PALD1: variants seen among roughly 807,000 people sequenced by gnomAD.
PALD1 encodes the protein phosphatase domain containing paladin 1, also known as paladin.
In PALD1, 57 loss-of-function variants were observed where a neutral mutation model predicts 96.0. That is an observed-to-expected ratio of 0.59 (90% CI 0.48 to 0.74). PALD1 has a LOEUF of 0.74. Ranked by LOEUF, PALD1 falls within the 30% of genes least tolerant of loss-of-function variation. The probability of loss-of-function intolerance (pLI) is 0.00; values close to 1 mark genes in which losing one functional copy is unlikely to be tolerated. For synonymous variants in PALD1, 464 were observed against 473.6 expected (o/e 0.98, Z 0.26); for missense variants, 1,063 against 1,143.7 (o/e 0.93, Z 1.02).
In PALD1 at chr10:70,555,824, A is replaced by T. The variant is rs1235218916; in HGVS notation, c.2262+8378A>T. Among the ~76,000 whole-genome samples the T allele has an allele frequency of 2.0e-5, 3 of 152,092 alleles. No individual in the cohort carries two copies. The East Asian group carries it at 5.8e-4, about 29-fold the overall frequency. ...AGACCATCCTTGCTAACACGGTGAA[A>T]CCGCTTCTATACTAAAAATATAAAA... On this transcript the variant is annotated intron_variant, in intron 18 of 19. Coordinates refer to ENST00000263563, the MANE Select transcript of PALD1 (RefSeq NM_014431.3).
chr10:70,555,617 G>A lies in PALD1; in HGVS notation c.2262+8171G>A, dbSNP rs1007227016. Among the ~76,000 whole-genome samples, 8 of 152,294 alleles carry A rather than the reference G, an allele frequency of 5.3e-5. No homozygotes were observed. The East Asian group carries it at 7.7e-4, about 15-fold the overall frequency. On this transcript the variant is annotated intron_variant, in intron 18 of 19. Transcript: ENST00000263563. Reference sequence around the variant, plus strand: ...CCAGGAGGTCAGAGAGACCAGCTCCGTGCCCCAAGGGCTGAGGTCATTTCT... The same window carrying A: ...CCAGGAGGTCAGAGAGACCAGCTCCATGCCCCAAGGGCTGAGGTCATTTCT...
Position 70,509,937 on chromosome 10 carries a change from C to T in PALD1, c.-29-15986C>T, listed in dbSNP as rs185575814. Among the ~76,000 whole-genome samples, 42 of 152,310 alleles carry T rather than the reference C, an allele frequency of 2.8e-4. No individual in the cohort carries two copies. In the East Asian group the frequency reaches 7.3e-3, roughly 27 times the overall value. On this transcript the variant is annotated intron_variant, in intron 1 of 19. Coordinates refer to ENST00000263563, the MANE Select transcript of PALD1 (RefSeq NM_014431.3). ...AGCCGCTGAAATGTCTGAAAACCAC[C>T]CATCTATCTCGTCCAGATGGAAATA...
intron 4 of PALD1, 109 bp downstream of exon 4, chr10:70,530,177 G>T: frequency 1.1e-6 from 1 of 931,106 alleles, no homozygotes. Context: ...ATGCTGGAGA[G>T]GTGGGGTAGT....
chr10:70,541,150 C>G lies in PALD1; in HGVS notation c.1957C>G (p.Pro653Ala). 6.2e-7 allele frequency: 1 copy of G among 1,613,584 alleles called. No homozygotes were observed. The highest frequency in any genetic ancestry group is 1.1e-5 in the South Asian group (1 of 91,026). Reference protein sequence around the residue: ...EALRAALSKDPGTGFVFSCLS... With the variant: ...EALRAALSKDAGTGFVFSCLS... The stretch of plus-strand genomic sequence containing the variant: ...CCTGCGGGCCGCCCTCTCCAAGGAC[C>G]CAGGCACTGGCTTCGTGTTCAGCTG... Residue 653 changes from proline (P) to alanine (A), a missense_variant, in exon 16 of 20, where the codon CCA becomes GCA. Transcript: ENST00000263563.
intron 18 of PALD1, among the ~76,000 whole-genome samples, chr10:70,561,223 G>C (rs1445027492): frequency 6.6e-6 from 1 of 152,232 alleles, no homozygotes. Flanking sequence ...GGAGAGGATC[G>C]TGCTGGTGCG....
At chr10:70,534,320 C>T (rs1589202330) in intron 8 of PALD1, 105 bp from the exon 9 acceptor site, 1 of 820,596 alleles carries the variant, frequency 1.2e-6, no homozygotes, top group East Asian at 2.7e-5. Flanking sequence ...CAGAAGGAAC[C>T]TGTAGTCTGG....
chr10:70,511,010 G>C (rs978755873), intron 1 of PALD1, among the ~76,000 whole-genome samples: 10 of 152,122 alleles, frequency 6.6e-5, no homozygotes, highest in African/African-American at 2.4e-4. Context: ...CCAGGATCCT[G>C]GAGTCACTCC....
At chr10:70,501,813 C>CTGTG (rs71012209) in intron 1 of PALD1, among the ~76,000 whole-genome samples, 14,571 of 139,224 alleles carry the variant, frequency 0.1, 865 homozygotes, top group South Asian at 0.19. Context: ...CATTTTTACT[C>CTGTG]TGTGTGTGTG....
At chr10:70,493,437 T>G (rs1846132143) in intron 1 of PALD1, among the ~76,000 whole-genome samples, 1 of 152,220 alleles carries the variant, frequency 6.6e-6, no homozygotes, top group Admixed American at 6.5e-5. Context: ...CACATTGACT[T>G]CCTTTCCAGA....
chr10:70,507,750 C>CGTGTGTGTGTGTGT (rs10579511), intron 1 of PALD1, among the ~76,000 whole-genome samples: 27 of 148,752 alleles, frequency 1.8e-4, no homozygotes, highest in African/African-American at 4.7e-4. Flanking sequence ...TTTGTGTGTG[C>CGTGTGTGTGTGTGT]GTGTGTGTGT....
intron 1 of PALD1, among the ~76,000 whole-genome samples, chr10:70,493,773 T>C (rs763367907): frequency 1.3e-5 from 2 of 152,206 alleles, no homozygotes; most frequent in Non-Finnish European, 2.9e-5. Flanking sequence ...CGGCGAGCCA[T>C]GTCCTCACCT....
At chr10:70,464,955 ATGT>A in the PALD1 span, among the ~76,000 whole-genome samples, 6 of 138,470 alleles carry the variant, frequency 4.3e-5, no homozygotes, top group Admixed American at 7.1e-5. Flanking sequence ...GTATGTATGT[ATGT>A]ATGTATGTAT....
chr10:70,542,586 A>G (rs1379733146), intron 17 of PALD1, among the ~76,000 whole-genome samples: 1 of 152,232 alleles, frequency 6.6e-6, no homozygotes, highest in Admixed American at 6.5e-5. Flanking sequence ...AGGTTTACCC[A>G]CATTGTAATA....
the PALD1 span, among the ~76,000 whole-genome samples, chr10:70,464,760 G>C: frequency 6.7e-6 from 1 of 150,050 alleles, no homozygotes; most frequent in Admixed American, 6.7e-5. Context: ...CGAGCAGCTG[G>C]TATTACAGGC....
At chr10:70,511,984 G>A (rs1490543352) in intron 1 of PALD1, among the ~76,000 whole-genome samples, 3 of 151,952 alleles carry the variant, frequency 2.0e-5, no homozygotes, top group African/African-American at 7.3e-5. Flanking sequence ...CTGAGATCGC[G>A]CCATTGCACT....
At chr10:70,478,621 G>A (rs1220429707), upstream of PALD1, among the ~76,000 whole-genome samples, 2 of 152,192 alleles carry the variant, frequency 1.3e-5, no homozygotes, top group Non-Finnish European at 2.9e-5. Context: ...GGGGAACGTG[G>A]CGCCCGCGTT....
intron 1 of PALD1, among the ~76,000 whole-genome samples, chr10:70,491,066 C>T (rs1436022050): frequency 6.6e-6 from 1 of 152,160 alleles, no homozygotes; most frequent in African/African-American, 2.4e-5. Flanking sequence ...CTGCCTCAGC[C>T]TCCTGAGTAG....
chr10:70,516,681 G>C (rs943747222), intron 1 of PALD1, among the ~76,000 whole-genome samples: 4 of 151,578 alleles, frequency 2.6e-5, no homozygotes, highest in Non-Finnish European at 5.9e-5. Flanking sequence ...AGTCTTCTAA[G>C]TTGCTGCTAC....
At chr10:70,510,732 C>T (rs1198140241) in intron 1 of PALD1, among the ~76,000 whole-genome samples, 1 of 152,238 alleles carries the variant, frequency 6.6e-6, no homozygotes, top group East Asian at 1.9e-4. Context: ...AGACTGCCCT[C>T]CAGATGCAGA....
Sources: gnomAD v4.1 joint callset for allele counts (sites outside exome capture counted in the v4.1 genomes callset) on GRCh38, gnomAD v4.1.1 for gene constraint, MANE v1.5 for transcripts, NCBI Gene and HGNC (gene_info 2026-07-23, HGNC 2026-07-21) for gene names.